The following CNTN4 variants were observed in gnomAD, a reference collection of about 807,000 sequenced individuals.
CNTN4 encodes contactin-4.
Under a neutral mutation model 122.5 loss-of-function variants are expected in CNTN4, and 77 were observed. The observed-to-expected ratio is 0.63, with a 90% CI of 0.52 to 0.76. The LOEUF is 0.76. Among genes scored for constraint, CNTN4 ranks in the 30% least tolerant of loss-of-function variants. The probability of loss-of-function intolerance (pLI) is 0.00; values close to 1 mark genes in which losing one functional copy is unlikely to be tolerated. For synonymous variants in CNTN4, 512 were observed against 447.0 expected, an observed-to-expected ratio of 1.15 and a Z score of -1.83; for missense variants, 1,256 against 1,259.1, an observed-to-expected ratio of 1.00 and a Z score of 0.04.
In CNTN4 at chr3:2,285,829, G is replaced by A. The variant is rs188140956; in HGVS notation, c.-144-53349G>A. Among the ~76,000 whole-genome samples the A allele has an allele frequency of 2.5e-3, 375 of 152,034 alleles. 1 individual carries two copies. The highest frequency in any genetic ancestry group is 8.7e-3 in the African/African-American group (359 of 41,494). ...TTTTATGGCCTGTATTTCACACTTG[G>A]TTTTATAATATGAACATCTTCCATG... On this transcript the variant is annotated intron_variant, in intron 2 of 24. Transcript: ENST00000418658.
At chr3:2,137,725 G>GAAAGA (rs1047165114) in intron 2 of CNTN4, among the ~76,000 whole-genome samples, 3 of 152,140 alleles carry the variant, frequency 2.0e-5, no homozygotes, top group Admixed American at 2.0e-4. Flanking sequence ...TGAATTTTTC[G>GAAAGA]AAAGATTTTG....
At chr3:2,468,601 T>G (rs1306685973) in intron 3 of CNTN4, among the ~76,000 whole-genome samples, 1 of 152,202 alleles carries the variant, frequency 6.6e-6, no homozygotes, top group Non-Finnish European at 1.5e-5. Context: ...AAATAATATT[T>G]TATGCTATAT....
At chr3:2,467,922 G>C (rs2075559508) in intron 3 of CNTN4, among the ~76,000 whole-genome samples, 1 of 152,074 alleles carries the variant, frequency 6.6e-6, no homozygotes, top group African/African-American at 2.4e-5. Flanking sequence ...TTGATGAAGT[G>C]GGTATCTTTA....
intron 3 of CNTN4, among the ~76,000 whole-genome samples, chr3:2,429,057 C>G (rs1340978306): frequency 3.9e-5 from 6 of 152,168 alleles, no homozygotes; most frequent in African/African-American, 1.2e-4. Context: ...TATTACCGAT[C>G]GTCTGAAGCC....
intron 20 of CNTN4, 63 bp from the exon 21 acceptor site, chr3:3,042,247 G>C (rs1394720950): frequency 8.8e-7 from 1 of 1,133,170 alleles, no homozygotes; most frequent in Non-Finnish European, 1.3e-6. Context: ...TATAATGCTA[G>C]TATCTACAAT....
chr3:2,571,356 G>T (rs2079412327), intron 3 of CNTN4, 60 bp from the exon 4 acceptor site: 3 of 691,280 alleles, frequency 4.3e-6, no homozygotes, highest in Non-Finnish European at 8.0e-6. Flanking sequence ...AGATAAACTT[G>T]CAGAGACCAC....
At chr3:2,826,063 A>G (rs370127818) in intron 7 of CNTN4, among the ~76,000 whole-genome samples, 1 of 152,222 alleles carries the variant, frequency 6.6e-6, no homozygotes, top group African/African-American at 2.4e-5. Flanking sequence ...TTTCATAGAT[A>G]AGGAAATAGA....
At chr3:2,869,136 A>G (rs2093757057) in intron 8 of CNTN4, among the ~76,000 whole-genome samples, 1 of 152,172 alleles carries the variant, frequency 6.6e-6, no homozygotes, top group African/African-American at 2.4e-5. Flanking sequence ...GAAATAGGAG[A>G]AATTAGCAGA....
intron 3 of CNTN4, among the ~76,000 whole-genome samples, chr3:2,534,298 G>A (rs570769729): frequency 6.6e-6 from 1 of 152,212 alleles, no homozygotes; most frequent in African/African-American, 2.4e-5. Flanking sequence ...TGTAAGGAAG[G>A]GATCCAGTTT....
intron 4 of CNTN4, among the ~76,000 whole-genome samples, chr3:2,705,728 AATATATATG>A (rs1164200851): frequency 6.1e-5 from 6 of 98,852 alleles, no homozygotes; most frequent in Non-Finnish European, 1.0e-4. Context: ...CAACATATAA[AATATATATG>A]ATATATATGA....
chr3:2,870,358 T>C (rs750560787), intron 8 of CNTN4, among the ~76,000 whole-genome samples: 2 of 152,234 alleles, frequency 1.3e-5, no homozygotes, highest in African/African-American at 2.4e-5. Flanking sequence ...TGTTGCATGG[T>C]GAAAATTCAT....
rs552395961 is a variant in CNTN4, at chr3:2,240,845, G to A, written c.-144-98333G>A. Among the ~76,000 whole-genome samples, 6 of 152,120 alleles carry A rather than the reference G, an allele frequency of 3.9e-5. No individual in the cohort carries two copies. The South Asian group carries it at 1.2e-3, about 32-fold the overall frequency. ...TTTGCATATCTTATTTCTTTTCACA[G>A]GGAGTTTTTTCCTGTGTTTTATGAG... On this transcript the variant is annotated intron_variant, in intron 2 of 24. Transcript: ENST00000418658.
chr3:2,137,377 G>C lies in CNTN4; in HGVS notation c.-145+36738G>C, dbSNP rs545475634. On this transcript the variant is annotated intron_variant, in intron 2 of 24. Transcript: ENST00000418658. ...GCACTGCCTTGCCACTGCAGAAAAA[G>C]GGAATGTGTGAAGGGAAGACAGAAA... is the stretch of plus-strand genomic sequence containing the variant. Among the ~76,000 whole-genome samples the C allele has an allele frequency of 6.6e-5, 10 of 152,220 alleles. No homozygotes were observed. The South Asian group carries it at 2.1e-3, about 32-fold the overall frequency.
chr3:2,164,239 A>C (rs77038628), intron 2 of CNTN4, among the ~76,000 whole-genome samples: 36,240 of 152,040 alleles, frequency 0.24, 4,977 homozygotes, highest in Non-Finnish European at 0.33. Context: ...AGGAAAAAAA[A>C]AACAACAACA....
chr3:2,804,978 C>A (rs567062395), intron 6 of CNTN4, among the ~76,000 whole-genome samples: 3 of 152,092 alleles, frequency 2.0e-5, no homozygotes, highest in Non-Finnish European at 2.9e-5. Context: ...AGTTCAAGAC[C>A]AGCCTGGCCA....
At chr3:2,489,941 C>G (rs771123033) in intron 3 of CNTN4, among the ~76,000 whole-genome samples, 1 of 152,100 alleles carries the variant, frequency 6.6e-6, no homozygotes, top group Non-Finnish European at 1.5e-5. Context: ...ACAGTCTATT[C>G]TGCCATTTTA....
intron 4 of CNTN4, among the ~76,000 whole-genome samples, chr3:2,705,142 G>A (rs2086581133): frequency 6.6e-6 from 1 of 151,312 alleles, no homozygotes; most frequent in Non-Finnish European, 1.5e-5. Context: ...GCCGAGGCAG[G>A]CGGATCACGA....
intron 2 of CNTN4, among the ~76,000 whole-genome samples, chr3:2,338,033 A>G (rs1046740343): frequency 1.3e-5 from 2 of 152,104 alleles, no homozygotes; most frequent in Non-Finnish European, 2.9e-5. Flanking sequence ...ATGGTGATGT[A>G]TTTGTGATTC....
At chr3:3,035,495 T>C (rs1263877261) in intron 17 of CNTN4, among the ~76,000 whole-genome samples, 2 of 152,160 alleles carry the variant, frequency 1.3e-5, no homozygotes, top group Non-Finnish European at 2.9e-5. Context: ...AGTCACAGAC[T>C]TCATAAAGTT....
Sources: allele counts gnomAD v4.1 joint callset (sites outside exome capture counted in the v4.1 genomes callset), GRCh38; gene constraint gnomAD v4.1.1; transcripts MANE v1.5; gene names NCBI Gene and HGNC (gene_info 2026-07-23, HGNC 2026-07-21).